The following TPCN1 variants were observed in gnomAD, a reference collection of about 807,000 sequenced individuals.
The protein encoded by TPCN1 is two pore channel protein 1.
Under a neutral mutation model 108.8 loss-of-function variants are expected in TPCN1, and 52 were observed. The observed-to-expected ratio is 0.48, with a 90% confidence interval of 0.38 to 0.60. The LOEUF is 0.60. Among genes scored for constraint, TPCN1 ranks in the 20% least tolerant of loss-of-function variants. TPCN1 has a pLI of 0.00. For synonymous variants in TPCN1, 446 were observed against 433.7 expected (o/e 1.03, Z -0.35); for missense variants, 806 against 1,072.8 (o/e 0.75, Z 3.47).
chr12:113,277,505 G>C, intron 12 of TPCN1, 141 bp downstream of exon 12: 1 of 1,023,756 alleles, frequency 9.8e-7, no homozygotes, highest in East Asian at 2.6e-5. Flanking sequence ...TATCCATGTA[G>C]ACTTACACAC....
chr12:113,265,599 C>T (rs1031842321), intron 3 of TPCN1, among the ~76,000 whole-genome samples: 4 of 148,266 alleles, frequency 2.7e-5, no homozygotes, highest in Admixed American at 1.4e-4. Flanking sequence ...CAGGCTGGAG[C>T]GCAGTGGCAC....
chr12:113,240,747 CT>C (rs112630841), intron 2 of TPCN1, among the ~76,000 whole-genome samples: 15,674 of 133,644 alleles, frequency 0.12, 825 homozygotes, highest in Non-Finnish European at 0.15. Flanking sequence ...CCTGCCCATT[CT>C]TTTTTTTTTT....
chr12:113,290,891 C>T, intron 22 of TPCN1, 61 bp from the exon 23 acceptor site: 2 of 1,556,928 alleles, frequency 1.3e-6, no homozygotes, highest in Admixed American at 1.7e-5. Flanking sequence ...CAAGAGGCCA[C>T]TTGAAATTGA....
Position 113,232,728 on chromosome 12 carries a change from G to A in TPCN1, c.112+5764G>A, listed in dbSNP as rs1252770692. Reference sequence around the variant, plus strand: ...AGTCGTCATGGGGGATTGAGTGAGAGCATGTGTGTGATCACATGGTCAGTG... The same window carrying A: ...AGTCGTCATGGGGGATTGAGTGAGAACATGTGTGTGATCACATGGTCAGTG... On this transcript the variant is annotated intron_variant, in intron 2 of 27. Transcript: ENST00000335509. The surrounding 1 kb of genome is among the most constrained non-coding windows in gnomAD (Gnocchi z 5.6). 6.6e-6 allele frequency among the ~76,000 whole-genome samples: 1 copy of A among 152,220 alleles called. No homozygotes were observed. Among genetic ancestry groups the A allele is most frequent in the Non-Finnish European group, 1.5e-5 (1 of 68,028 alleles).
chr12:113,230,959 C>T (rs1392657226), intron 2 of TPCN1, among the ~76,000 whole-genome samples: 2 of 152,240 alleles, frequency 1.3e-5, no homozygotes, highest in African/African-American at 2.4e-5. Context: ...CTCAGCACAG[C>T]TGAGTGTCCT....
At chr12:113,292,903 C>T (rs199623690) in intron 25 of TPCN1, 31 bp from the exon 26 acceptor site, 2 of 1,602,020 alleles carry the variant, frequency 1.2e-6, no homozygotes, top group Admixed American at 1.7e-5. Context: ...CAGCCCCGGG[C>T]CCTTCCCACA....
At chr12:113,244,191 T>C in intron 2 of TPCN1, 1 of 499,878 alleles carries the variant, frequency 2.0e-6, no homozygotes, top group Non-Finnish European at 2.6e-6. Flanking sequence ...CCTGACCACT[T>C]TCACACCAGA....
intron 2 of TPCN1, among the ~76,000 whole-genome samples, chr12:113,243,472 C>T (rs1954228278): frequency 6.6e-6 from 1 of 151,726 alleles, no homozygotes; most frequent in African/African-American, 2.4e-5. Flanking sequence ...AATCCCACTC[C>T]ATGGGAAAGC....
chr12:113,263,618 G>T (rs932391674), intron 3 of TPCN1, among the ~76,000 whole-genome samples: 5 of 152,248 alleles, frequency 3.3e-5, no homozygotes, highest in Non-Finnish European at 5.9e-5. Flanking sequence ...AGTGAGCCAG[G>T]TTGCTGGTGT....
intron 18 of TPCN1, among the ~76,000 whole-genome samples, chr12:113,286,546 A>C (rs771976482): frequency 7.3e-6 from 1 of 137,182 alleles, no homozygotes; most frequent in Non-Finnish European, 1.6e-5. Flanking sequence ...TGTTCTCCCG[A>C]TGGGAATCTC....
At chr12:113,276,049 T>C (rs958455324) in intron 10 of TPCN1, among the ~76,000 whole-genome samples, 8 of 152,230 alleles carry the variant, frequency 5.3e-5, no homozygotes, top group East Asian at 1.9e-4. Context: ...TAAAGTTTCA[T>C]TGGGACAGAG....
At chr12:113,271,226 G>C (rs1566179207) in intron 7 of TPCN1, among the ~76,000 whole-genome samples, 1 of 152,164 alleles carries the variant, frequency 6.6e-6, no homozygotes, top group Non-Finnish European at 1.5e-5. Flanking sequence ...GCAGTGAGCT[G>C]TGACAGCGCA....
In TPCN1 at chr12:113,291,009, G is replaced by A. The variant is rs748470066; in HGVS notation, c.1959+11G>A. On this transcript the variant is annotated intron_variant, in intron 23 of 27. Transcript: ENST00000335509. ...TGGTACATCATCATGGTAAGAGCTCGGGCAGCTCTGGGGGTATCTTCCCGC... is the reference window on the plus strand; with the variant it reads ...TGGTACATCATCATGGTAAGAGCTCAGGCAGCTCTGGGGGTATCTTCCCGC... 1.8e-5 allele frequency: 29 copies of A among 1,612,800 alleles called. 1 individual carries two copies. Among genetic ancestry groups the A allele is most frequent in the South Asian group, 1.4e-4 (13 of 91,066 alleles).
intron 23 of TPCN1, 191 bp from the exon 24 acceptor site, chr12:113,291,418 G>A: frequency 6.5e-6 from 4 of 615,732 alleles, no homozygotes; most frequent in Non-Finnish European, 5.7e-6. Flanking sequence ...CCAGGGGAGT[G>A]GCCAGGGCTC....
chr12:113,228,606 T>C (rs1221800096), intron 2 of TPCN1, among the ~76,000 whole-genome samples: 1 of 152,192 alleles, frequency 6.6e-6, no homozygotes, highest in African/African-American at 2.4e-5. Flanking sequence ...CAAGACCCTG[T>C]CTCAAAAAAA....
intron 2 of TPCN1, among the ~76,000 whole-genome samples, chr12:113,230,522 T>A (rs1235949394): frequency 6.6e-6 from 1 of 152,144 alleles, no homozygotes; most frequent in Non-Finnish European, 1.5e-5. Context: ...CACGTGATTG[T>A]CCCTGAGTCT....
chr12:113,273,769 C>A lies in TPCN1; in HGVS notation c.942+101C>A, dbSNP rs941543922. On this transcript the variant is annotated intron_variant, in intron 10 of 27. Transcript: ENST00000335509. The surrounding 1 kb of genome is among the most constrained non-coding windows in gnomAD (Gnocchi z 4.0). ...GAAGTGGGGACTGTCTTCTGCCTCT[C>A]AGGGCAGAACGTTGGGGCAGGAAGT... 7.2e-6 allele frequency: 7 copies of A among 966,952 alleles called. No homozygotes were observed. The African/African-American group carries it at 9.6e-5, about 13-fold the overall frequency. The allele number at this position is 966,952 out of a possible 1,614,324, so 59.9% of individuals were successfully genotyped here.
chr12:113,254,914 A>G (rs1464405943), intron 2 of TPCN1, among the ~76,000 whole-genome samples: 2 of 152,260 alleles, frequency 1.3e-5, no homozygotes, highest in African/African-American at 2.4e-5. Flanking sequence ...GATAAAGGAT[A>G]TCTACGAGAA....
At chr12:113,235,880 T>G (rs1953872602) in intron 2 of TPCN1, among the ~76,000 whole-genome samples, 2 of 151,904 alleles carry the variant, frequency 1.3e-5, no homozygotes, top group Admixed American at 6.6e-5. Context: ...GTGTGCTGAG[T>G]GTCTAAGGAG....
Sources: gnomAD v4.1 joint callset for allele counts (sites outside exome capture counted in the v4.1 genomes callset) on GRCh38, gnomAD v4.1.1 for gene constraint, Gnocchi (gnomAD v3.1) non-coding constraint, MANE v1.5 for transcripts, NCBI Gene and HGNC (gene_info 2026-07-23, HGNC 2026-07-21) for gene names.